LIN54: variants seen among roughly 807,000 people sequenced by gnomAD.
The protein encoded by LIN54 is lin-54 DREAM MuvB core complex component.
Under a neutral mutation model 78.7 loss-of-function variants are expected in LIN54, and 9 were observed. The ratio of observed to expected loss-of-function variants is 0.11; its 90% CI spans 0.07 to 0.20. The LOEUF (loss-of-function observed/expected upper bound fraction) is 0.20. LIN54 is among the 10% of genes least tolerant of loss of function. LIN54 has a pLI of 1.00. For synonymous variants in LIN54, 269 were observed against 318.4 expected (o/e 0.84, Z 1.65); for missense variants, 573 against 889.9 (o/e 0.64, Z 4.53).
chr4:82,962,504 T>C (rs1724878798), intron 4 of LIN54, among the ~76,000 whole-genome samples: 1 of 152,092 alleles, frequency 6.6e-6, no homozygotes, highest in Non-Finnish European at 1.5e-5. Context: ...GTTACAACCA[T>C]CATATAAGAA....
intron 2 of LIN54, among the ~76,000 whole-genome samples, chr4:82,983,335 G>C (rs1726839084): frequency 6.6e-6 from 1 of 152,104 alleles, no homozygotes; most frequent in African/African-American, 2.4e-5. Flanking sequence ...TCCAAGAGTA[G>C]TGGTGGCCTA....
chr4:82,972,931 A>G (rs376718180), intron 3 of LIN54, among the ~76,000 whole-genome samples: 28 of 150,768 alleles, frequency 1.9e-4, no homozygotes, highest in African/African-American at 6.4e-4. Context: ...CCTGGGCAAC[A>G]AGAGCAAGAA....
At position 82,946,402 on chromosome 4, in the gene LIN54, G is replaced by A; in HGVS notation, c.1024C>T (p.Leu342=). The change falls in exon 5 of 13, where the codon CTG becomes TTG. Residue 342 remains leucine (L), a synonymous_variant. Coordinates refer to ENST00000340417, the MANE Select transcript of LIN54 (RefSeq NM_194282.4). Reference sequence around the variant, plus strand: ...TGCTGGACATTGGGAGCAGTTGCCAGAGGAATAATTGTCTTAAACTGTGAT... The same window carrying A: ...TGCTGGACATTGGGAGCAGTTGCCAAAGGAATAATTGTCTTAAACTGTGAT... The part of the protein sequence containing the change: ...STSQFKTIIP[L]ATAPNVQQIQ... 6.2e-7 allele frequency: 1 copy of A among 1,614,106 alleles called. No homozygotes were observed. Among genetic ancestry groups the A allele is most frequent in the Non-Finnish European group, 8.5e-7 (1 of 1,179,970 alleles).
upstream of LIN54, chr4:83,010,976 G>A: frequency 1.7e-6 from 1 of 598,476 alleles, no homozygotes; most frequent in Non-Finnish European, 2.4e-6. Flanking sequence ...TTTCACCCCC[G>A]GGCGGAGCAC....
chr4:82,955,369 AATAAC>A (rs537329208), intron 4 of LIN54, among the ~76,000 whole-genome samples: 3,612 of 138,364 alleles, frequency 0.026, 98 homozygotes, highest in African/African-American at 0.066. Flanking sequence ...ATCTCAAAAA[AATAAC>A]ATAACATAAC....
At chr4:82,937,562 G>A (rs1181821544) in intron 8 of LIN54, among the ~76,000 whole-genome samples, 1 of 152,128 alleles carries the variant, frequency 6.6e-6, no homozygotes, top group Admixed American at 6.5e-5. Flanking sequence ...AGACAAGTAT[G>A]GAATAATTTT....
chr4:82,949,338 G>T (rs1723659829), intron 4 of LIN54, among the ~76,000 whole-genome samples: 1 of 152,186 alleles, frequency 6.6e-6, no homozygotes, highest in South Asian at 2.1e-4. Context: ...CAGGTACTTT[G>T]CGTATTTTTT....
intron 1 of LIN54, among the ~76,000 whole-genome samples, chr4:82,988,202 C>T (rs992252839): frequency 2.0e-5 from 3 of 152,108 alleles, no homozygotes; most frequent in Non-Finnish European, 2.9e-5. Flanking sequence ...TCTGTTCTAT[C>T]ACTAAAGATT....
chr4:82,969,733 T>C (rs1379024691), intron 4 of LIN54, among the ~76,000 whole-genome samples: 1 of 152,240 alleles, frequency 6.6e-6, no homozygotes, highest in African/African-American at 2.4e-5. Flanking sequence ...CTTTAAAACA[T>C]ATCTTTTTCA....
Position 82,927,933 on chromosome 4 carries a change from T to C in LIN54, c.*169A>G, listed in dbSNP as rs904787876. ...AAGCAGATTTAACTAAGATTTAAAA[T>C]GTACTAATTTCCTCATTTAAAATTT... On this transcript the variant is annotated 3_prime_UTR_variant, in exon 13 of 13. Coordinates refer to ENST00000340417, the MANE Select transcript of LIN54 (RefSeq NM_194282.4). The C allele has an allele frequency of 1.7e-6, 1 of 597,872 alleles. No homozygotes were observed. Among genetic ancestry groups the C allele is most frequent in the Non-Finnish European group, 3.0e-6 (1 of 337,664 alleles). 37.0% of individuals were successfully genotyped at this position (597,872 alleles called of 1,614,324 possible).
At chr4:82,996,561 A>C (rs761992635) in intron 1 of LIN54, among the ~76,000 whole-genome samples, 6 of 151,890 alleles carry the variant, frequency 4.0e-5, no homozygotes, top group Admixed American at 1.3e-4. Flanking sequence ...ATGTGCTACC[A>C]TGCCTGGCTA....
chr4:82,937,362 G>A, intron 8 of LIN54, 64 bp from the exon 9 acceptor site: 2 of 1,004,716 alleles, frequency 2.0e-6, no homozygotes, highest in Non-Finnish European at 2.9e-6. Flanking sequence ...TAATTTAGTT[G>A]CTACAACTAA....
At position 82,937,395 on chromosome 4, in the gene LIN54, C is replaced by A. The variant is rs977287289; in HGVS notation, c.1533-97G>T. The A allele has an allele frequency of 1.1e-5, 8 of 700,396 alleles. No individual in the cohort carries two copies. In the African/African-American group the frequency reaches 1.3e-4, roughly 12 times the overall value. 43.4% of individuals were successfully genotyped at this position (700,396 alleles called of 1,614,324 possible). ...TAATTTAAAATTTAAAAAATTAGACCTAAAACTAATTTAAAATTAGAGAAG... is the reference window on the plus strand; with the variant it reads ...TAATTTAAAATTTAAAAAATTAGACATAAAACTAATTTAAAATTAGAGAAG... On this transcript the variant is annotated intron_variant, in intron 8 of 12. Transcript: ENST00000340417.
chr4:83,006,728 C>A (rs1729412349), intron 1 of LIN54, among the ~76,000 whole-genome samples: 2 of 152,190 alleles, frequency 1.3e-5, no homozygotes, highest in South Asian at 4.1e-4. Context: ...CTGCACTACT[C>A]CCATTCTATT....
intron 4 of LIN54, among the ~76,000 whole-genome samples, chr4:82,960,052 T>G (rs1320977790): frequency 2.0e-5 from 3 of 152,224 alleles, no homozygotes; most frequent in African/African-American, 7.2e-5. Flanking sequence ...TCTAGGAAAT[T>G]TATCAAAAAA....
intron 1 of LIN54, among the ~76,000 whole-genome samples, chr4:82,990,548 A>G (rs979869251): frequency 6.6e-6 from 1 of 151,484 alleles, no homozygotes; most frequent in Admixed American, 6.6e-5. Context: ...CAGTGGCGCG[A>G]TCTCGGCTCA....
chr4:82,984,306 G>A lies in LIN54; in HGVS notation c.539C>T (p.Pro180Leu), dbSNP rs1578609607. The A allele has an allele frequency of 3.1e-6, 5 of 1,614,054 alleles. No individual in the cohort carries two copies. The highest frequency in any genetic ancestry group is 4.2e-6 in the Non-Finnish European group (5 of 1,180,008). ...QAQSGDAKLP[P>L]QQIKVVTIGG... ...AATGGTAACTACTTTAATTTGCTGC[G>A]GTGGTAACTTAGCATCTCCTGACTG... Residue 180 changes from proline (P) to leucine (L), a missense_variant, in exon 2 of 13, where the codon CCG becomes CTG. Physicochemically the swap from Pro to Leu is moderately conservative, Grantham distance 98 (BLOSUM62 -3). Coordinates refer to ENST00000340417, the MANE Select transcript of LIN54 (RefSeq NM_194282.4).
intron 11 of LIN54, 145 bp from the exon 12 acceptor site, chr4:82,931,290 G>C: frequency 6.0e-6 from 4 of 663,484 alleles, no homozygotes; most frequent in Non-Finnish European, 5.2e-6. Flanking sequence ...CTGACAAACA[G>C]TAACTACACA....
chr4:82,928,227 C>T lies in LIN54; in HGVS notation c.2125G>A (p.Asp709Asn). ...GCTGCCTTTGATTTTCCCTTCTTGT[C>T]TGCCTGCTCTGCCTGGGCAAGGAGG... ...NCLLAQAEQA[D>N]KKGKSKAAAE... The change falls in exon 13 of 13, where the codon GAC becomes AAC. Residue 709 changes from aspartate (D) to asparagine (N), a missense_variant. By Grantham distance (23) the Asp-to-Asn change is conservative. This residue lies in a region of LIN54 where 82 missense variants were observed against 140.8 expected (regional missense o/e 0.58). Coordinates refer to ENST00000340417, the MANE Select transcript of LIN54 (RefSeq NM_194282.4). 1.2e-6 allele frequency: 2 copies of T among 1,614,228 alleles called. No homozygotes were observed. Among genetic ancestry groups the T allele is most frequent in the Non-Finnish European group, 1.7e-6 (2 of 1,180,010 alleles).
Sources: allele counts gnomAD v4.1 joint callset (sites outside exome capture counted in the v4.1 genomes callset), GRCh38; gene constraint gnomAD v4.1.1; regional missense constraint gnomAD v4.1.1; transcripts MANE v1.5; gene names NCBI Gene and HGNC (gene_info 2026-07-23, HGNC 2026-07-21).